Variants in TSPEAR observed in about 807,000 individuals in gnomAD.
TSPEAR encodes thrombospondin type laminin G domain and EAR repeats, also known as thrombospondin-type laminin G domain and EAR repeat-containing protein.
In TSPEAR, 69 loss-of-function variants were observed where a neutral mutation model predicts 71.6. The ratio of observed to expected loss-of-function variants is 0.96; its 90% CI spans 0.79 to 1.18. TSPEAR has a LOEUF of 1.18. Among genes scored for constraint, TSPEAR ranks in the 50% most tolerant of loss-of-function variants. TSPEAR has a pLI of 0.00. For missense variants in TSPEAR, 971 were observed against 894.9 expected, an observed-to-expected ratio of 1.09 and a Z score of -1.09; for synonymous variants, 402 against 387.2, an observed-to-expected ratio of 1.04 and a Z score of -0.45.
rs983973592 is a variant in TSPEAR, at chr21:44,667,908, A to T, written c.82+43525T>A. 2.0e-5 allele frequency among the ~76,000 whole-genome samples: 3 copies of T among 152,230 alleles called. No homozygotes were observed. In the South Asian group the frequency reaches 6.2e-4, roughly 32 times the overall value. ...AATCAACAAACTAAGAATAGAAGAA[A>T]ACTACCTCAACACAATACAAGCCAT... On this transcript the variant is annotated intron_variant, in intron 1 of 11. Coordinates refer to ENST00000323084, the MANE Select transcript of TSPEAR (RefSeq NM_144991.3).
chr21:44,670,589 C>T (rs1986008283), intron 1 of TSPEAR, among the ~76,000 whole-genome samples: 1 of 152,142 alleles, frequency 6.6e-6, no homozygotes, highest in Non-Finnish European at 1.5e-5. Flanking sequence ...ACATTTCCAC[C>T]ATGGATTCAG....
intron 1 of TSPEAR, among the ~76,000 whole-genome samples, chr21:44,596,079 G>T (rs782242331): frequency 3.9e-5 from 6 of 152,198 alleles, no homozygotes; most frequent in East Asian, 1.9e-4. Flanking sequence ...TCATGGGAAG[G>T]TTCAATTGGA....
intron 2 of TSPEAR, chr21:44,558,667 A>G (rs773618959): frequency 1.2e-6 from 2 of 1,613,324 alleles, no homozygotes; most frequent in Non-Finnish European, 1.7e-6. Flanking sequence ...TCCACCTGCC[A>G]GGAGTCAGAG....
intron 1 of TSPEAR, chr21:44,697,068 C>A: frequency 1.6e-6 from 2 of 1,239,480 alleles, no homozygotes; most frequent in Non-Finnish European, 2.1e-6. Flanking sequence ...CACCCAGACG[C>A]TCACTCACTC....
intron 1 of TSPEAR, chr21:44,658,227 C>T (rs1985279938): frequency 1.1e-5 from 18 of 1,614,138 alleles, no homozygotes; most frequent in Non-Finnish European, 1.5e-5. Context: ...TGCACCACTG[C>T]CCTCTGCAGA....
chr21:44,512,786 G>A (rs933331598), intron 9 of TSPEAR, among the ~76,000 whole-genome samples: 4 of 152,206 alleles, frequency 2.6e-5, no homozygotes, highest in Non-Finnish European at 4.4e-5. Context: ...TGTCAGCTGT[G>A]GGGGTGGGCA....
intron 1 of TSPEAR, chr21:44,591,150 G>A (rs1979784484): frequency 1.6e-6 from 1 of 624,846 alleles, no homozygotes; most frequent in Non-Finnish European, 2.9e-6. Context: ...AGGGGGTGCT[G>A]CCCAGGGTGG....
In TSPEAR at chr21:44,550,335, G is replaced by C. The variant is rs782125832; in HGVS notation, c.304-16412C>G. Reference sequence around the variant, plus strand: ...CTCTGCCCCCTCCCGCCCTGGGTGCGGAGAGTCAGCACGGAGTCAGCTGGG... The same window carrying C: ...CTCTGCCCCCTCCCGCCCTGGGTGCCGAGAGTCAGCACGGAGTCAGCTGGG... On this transcript the variant is annotated intron_variant, in intron 2 of 11. Transcript: ENST00000323084. The C allele has an allele frequency of 1.1e-4, 41 of 372,922 alleles. 1 individual carries two copies. In the South Asian group the frequency reaches 1.4e-3, roughly 12 times the overall value. 23.1% of individuals were successfully genotyped at this position (372,922 alleles called of 1,614,324 possible). A position where few individuals can be genotyped will look rare whatever the true frequency, so the allele number is the denominator to read the frequency against.
intron 1 of TSPEAR, among the ~76,000 whole-genome samples, chr21:44,602,968 G>T (rs1267404713): frequency 6.6e-6 from 1 of 152,124 alleles, no homozygotes; most frequent in Non-Finnish European, 1.5e-5. Flanking sequence ...CAGACCCCAA[G>T]CTGCCCTTCC....
At chr21:44,550,747 C>A (rs372190068) in intron 2 of TSPEAR, 9 of 1,613,994 alleles carry the variant, frequency 5.6e-6, no homozygotes, top group Non-Finnish European at 7.6e-6. Flanking sequence ...CGGGAGCACA[C>A]GGGGCGGCAG....
At chr21:44,582,750 C>T (rs1979069222) in intron 1 of TSPEAR, among the ~76,000 whole-genome samples, 1 of 152,204 alleles carries the variant, frequency 6.6e-6, no homozygotes, top group African/African-American at 2.4e-5. Flanking sequence ...CTGGGGGCCA[C>T]CATGGCAGTT....
intron 1 of TSPEAR, chr21:44,702,266 A>C: frequency 1.2e-6 from 2 of 1,607,090 alleles, no homozygotes; most frequent in Non-Finnish European, 1.7e-6. Context: ...GACTGCCCGG[A>C]GAGCTGCTGC....
intron 1 of TSPEAR, among the ~76,000 whole-genome samples, chr21:44,689,111 C>T (rs1986993856): frequency 1.3e-5 from 2 of 152,236 alleles, no homozygotes; most frequent in South Asian, 2.1e-4. Flanking sequence ...CCACCCTCAC[C>T]CCAGCCAGGA....
intron 1 of TSPEAR, chr21:44,579,565 C>A: frequency 5.9e-6 from 4 of 680,272 alleles, no homozygotes; most frequent in South Asian, 2.0e-5. Context: ...GGGGACCCAA[C>A]AGGCAGGTGG....
Position 44,521,997 on chromosome 21 carries a change from C to T in TSPEAR, c.1452G>A (p.Val484=). The T allele has an allele frequency of 6.2e-7, 1 of 1,614,160 alleles. No homozygotes were observed. The highest frequency in any genetic ancestry group is 8.5e-7 in the Non-Finnish European group (1 of 1,180,018). Residue 484 remains valine (V), a synonymous_variant, in exon 9 of 12, where the codon GTG becomes GTA. Coordinates refer to ENST00000323084, the MANE Select transcript of TSPEAR (RefSeq NM_144991.3). ...CCACCACCAGGAACGAGTAGGGCCC[C>T]ACACTGAAGAACTCCCAGTCGTAGG... is the stretch of plus-strand genomic sequence containing the variant. The part of the protein sequence containing the change: ...SGAYDWEFFS[V]GPYSFLVVAN...
intron 10 of TSPEAR, 118 bp downstream of exon 10, chr21:44,509,081 A>T (rs1601326543): frequency 2.2e-6 from 3 of 1,375,646 alleles, no homozygotes; most frequent in Non-Finnish European, 3.0e-6. Context: ...TTCCACAGGA[A>T]GGTCCCCAGG....
chr21:44,526,517 A>T (rs1239961012), intron 7 of TSPEAR, among the ~76,000 whole-genome samples: 5 of 151,434 alleles, frequency 3.3e-5, no homozygotes, highest in Non-Finnish European at 7.4e-5. Context: ...CCAACTAGTT[A>T]TTCACCCGCC....
intron 1 of TSPEAR, among the ~76,000 whole-genome samples, chr21:44,633,953 G>GT (rs879950811): frequency 0.013 from 1,933 of 152,090 alleles, 45 homozygotes; most frequent in African/African-American, 0.044. Context: ...CTGATGTTAG[G>GT]TACACAAATG....
At position 44,531,145 on chromosome 21, in the gene TSPEAR, A is replaced by G. The variant is rs587598933; in HGVS notation, c.543-12T>C. ...GCACATCGGCCATTCTGAAAATATC[A>G]AAGGACTGTGTTAGGGCCATAGGAG... On this transcript the variant is annotated splice_polypyrimidine_tract_variant and intron_variant, in intron 3 of 11. Coordinates refer to ENST00000323084, the MANE Select transcript of TSPEAR (RefSeq NM_144991.3). 1.2e-6 allele frequency: 2 copies of G among 1,611,728 alleles called. No individual in the cohort carries two copies. Among genetic ancestry groups the G allele is most frequent in the African/African-American group, 2.7e-5 (2 of 75,008 alleles).
Sources: gnomAD v4.1 joint callset for allele counts (sites outside exome capture counted in the v4.1 genomes callset) on GRCh38, gnomAD v4.1.1 for gene constraint, MANE v1.5 for transcripts, NCBI Gene and HGNC (gene_info 2026-07-23, HGNC 2026-07-21) for gene names.